Variants in GPR137B observed in about 807,000 individuals in gnomAD.
GPR137B encodes G protein-coupled receptor 137B, also known as integral membrane protein GPR137B.
Under a neutral mutation model 42.5 loss-of-function variants are expected in GPR137B, and 42 were observed. The observed-to-expected ratio is 0.99, with a 90% CI of 0.77 to 1.28. The LOEUF (loss-of-function observed/expected upper bound fraction) is 1.28. Among genes scored for constraint, GPR137B ranks in the 50% most tolerant of loss-of-function variants. The pLI is 0.00. For missense variants in GPR137B, 487 were observed against 493.9 expected, an observed-to-expected ratio of 0.99 and a Z score of 0.13; for synonymous variants, 218 against 209.7, an observed-to-expected ratio of 1.04 and a Z score of -0.34.
chr1:236,180,962 T>A (rs1662854586), intron 4 of GPR137B, among the ~76,000 whole-genome samples: 1 of 152,198 alleles, frequency 6.6e-6, no homozygotes, highest in African/African-American at 2.4e-5. Flanking sequence ...TAAGATGATA[T>A]TATTAAAGGG....
At chr1:236,191,742 C>T in intron 5 of GPR137B, among the ~76,000 whole-genome samples, 1 of 152,192 alleles carries the variant, frequency 6.6e-6, no homozygotes, top group Non-Finnish European at 1.5e-5. Context: ...CCAGAGCTCT[C>T]CTGTATGAGG....
chr1:236,161,789 C>G (rs1432644283), intron 1 of GPR137B, among the ~76,000 whole-genome samples: 1 of 152,086 alleles, frequency 6.6e-6, no homozygotes, highest in Admixed American at 6.5e-5. Flanking sequence ...GTAAGAAATG[C>G]CTTTTGCCTC....
rs1289770540 is a variant in GPR137B at position 236,192,618 on chromosome 1, TCGATCGAGGCGACA to T, written c.966+8714_966+8727del. Among the ~76,000 whole-genome samples the T allele has an allele frequency of 2.0e-5, 3 of 152,084 alleles. No individual in the cohort carries two copies. In the East Asian group the frequency reaches 5.8e-4, roughly 29 times the overall value. ...AAAATTCCCTGACTCCTTGCACTTCTCGATCGAGGCGACACCCCACCCTGCTTCGGCTCACCCTC... is the reference window on the plus strand; with the variant it reads ...AAAATTCCCTGACTCCTTGCACTTCTCCCCACCCTGCTTCGGCTCACCCTC... On this transcript the variant is annotated intron_variant, in intron 5 of 6. Coordinates refer to ENST00000366592, the MANE Select transcript of GPR137B (RefSeq NM_003272.4).
intron 5 of GPR137B, among the ~76,000 whole-genome samples, chr1:236,197,909 C>T (rs977603793): frequency 1.2e-4 from 19 of 152,012 alleles, no homozygotes; most frequent in South Asian, 4.1e-4. Flanking sequence ...TTAGTAGAGA[C>T]GAGGTTTCAC....
At position 236,142,743 on chromosome 1, in the gene GPR137B, G is replaced by T. The variant is rs1054740657; in HGVS notation, c.121G>T (p.Val41Leu). The T allele has an allele frequency of 5.6e-6, 9 of 1,609,600 alleles. No homozygotes were observed. The highest frequency in any genetic ancestry group is 6.8e-6 in the Non-Finnish European group (8 of 1,178,850). Residue 41 changes from valine to leucine, a missense_variant, in exon 1 of 7, where the codon GTG becomes TTG. By Grantham distance (32) the Val-to-Leu change is conservative. Coordinates refer to ENST00000366592, the MANE Select transcript of GPR137B (RefSeq NM_003272.4). ...PTLTPAVPPYVKLGLTVVYTV... is the reference protein window; with the variant it reads ...PTLTPAVPPYLKLGLTVVYTV... ...GCTGACCCCGGCCGTGCCCCCCTAC[G>T]TGAAGCTTGGCCTCACCGTCGTCTA...
intron 5 of GPR137B, among the ~76,000 whole-genome samples, chr1:236,200,428 G>A (rs751675008): frequency 1.3e-5 from 2 of 152,074 alleles, no homozygotes; most frequent in South Asian, 2.1e-4. Context: ...TTGATGGCTT[G>A]TCTAGTGCTG....
intron 5 of GPR137B, among the ~76,000 whole-genome samples, chr1:236,185,306 A>C (rs1409781725): frequency 6.6e-6 from 1 of 152,164 alleles, no homozygotes; most frequent in Non-Finnish European, 1.5e-5. Flanking sequence ...TTGTATCCAT[A>C]ATTCATTTGG....
intron 5 of GPR137B, among the ~76,000 whole-genome samples, chr1:236,203,764 T>C (rs1015854908): frequency 3.9e-5 from 6 of 152,228 alleles, no homozygotes; most frequent in Non-Finnish European, 5.9e-5. Flanking sequence ...TTTGTGGCTA[T>C]TATAAGTGGG....
chr1:236,152,378 C>G (rs1203104544), intron 1 of GPR137B, among the ~76,000 whole-genome samples: 4 of 151,924 alleles, frequency 2.6e-5, no homozygotes, highest in Non-Finnish European at 5.9e-5. Context: ...GGGAGGATTG[C>G]TTGAACTTGG....
At position 236,149,852 on chromosome 1, in the gene GPR137B, TTGTA is replaced by T. The variant is rs1661793561; in HGVS notation, c.414+6820_414+6823del. On this transcript the variant is annotated intron_variant, in intron 1 of 6. Transcript: ENST00000366592. ...TGTGTGTGCACCTAGGTGTGCGCCT[TTGTA>T]TGTGTATGTGCATGTGTGCCTGTGT... Among the ~76,000 whole-genome samples, 13 of 152,344 alleles carry T rather than the reference TTGTA, an allele frequency of 8.5e-5. No homozygotes were observed. In the South Asian group the frequency reaches 2.7e-3, roughly 32 times the overall value.
At chr1:236,201,202 G>C (rs1663483464) in intron 5 of GPR137B, among the ~76,000 whole-genome samples, 1 of 151,972 alleles carries the variant, frequency 6.6e-6, no homozygotes, top group Non-Finnish European at 1.5e-5. Context: ...GAAATCTGCT[G>C]TTAAACAGCT....
At chr1:236,190,154 T>TCG (rs1558492947) in intron 5 of GPR137B, among the ~76,000 whole-genome samples, 1,535 of 148,884 alleles carry the variant, frequency 0.01, 34 homozygotes, top group African/African-American at 0.035. Flanking sequence ...TCTTCTTTTT[T>TCG]TTTTTTTTTT....
At chr1:236,160,975 A>G (rs1379290956) in intron 1 of GPR137B, among the ~76,000 whole-genome samples, 2 of 151,372 alleles carry the variant, frequency 1.3e-5, no homozygotes, top group Admixed American at 6.6e-5. Context: ...TGCTGTCCCC[A>G]TCTCGAAGTG....
At chr1:236,197,706 C>A (rs1054244650) in intron 5 of GPR137B, among the ~76,000 whole-genome samples, 3 of 152,060 alleles carry the variant, frequency 2.0e-5, no homozygotes, top group African/African-American at 7.2e-5. Context: ...ACATATTTGG[C>A]CTTATTTCTG....
chr1:236,174,356 C>T (rs1027519796), intron 2 of GPR137B, among the ~76,000 whole-genome samples: 3 of 152,130 alleles, frequency 2.0e-5, no homozygotes, highest in African/African-American at 7.2e-5. Flanking sequence ...GTGGAGACAC[C>T]TGGCCATGTT....
intron 2 of GPR137B, among the ~76,000 whole-genome samples, chr1:236,174,695 A>G (rs900238412): frequency 3.9e-5 from 6 of 152,226 alleles, no homozygotes; most frequent in African/African-American, 1.4e-4. Flanking sequence ...GAAGAGGGAC[A>G]CTGGGGCTGG....
At chr1:236,189,284 T>C (rs150484758) in intron 5 of GPR137B, among the ~76,000 whole-genome samples, 1,588 of 152,300 alleles carry the variant, frequency 0.01, 31 homozygotes, top group African/African-American at 0.029. Context: ...CCTGGATTCA[T>C]TGATTTTTTT....
In GPR137B at chr1:236,150,682, G is replaced by T. The variant is rs545555927; in HGVS notation, c.414+7646G>T. Among the ~76,000 whole-genome samples, 4 of 152,214 alleles carry T rather than the reference G, an allele frequency of 2.6e-5. No homozygotes were observed. On this transcript the variant is annotated intron_variant, in intron 1 of 6. Transcript: ENST00000366592. The surrounding 1 kb of genome is among the most constrained non-coding windows in gnomAD (Gnocchi z 6.2). ...CTGCTGCCGGGTCACCATCAGGAGC[G>T]CCCTACTGTCGGCTCCGAACACTGT...
chr1:236,194,547 T>C (rs1483778864), intron 5 of GPR137B, among the ~76,000 whole-genome samples: 1 of 152,220 alleles, frequency 6.6e-6, no homozygotes, highest in Non-Finnish European at 1.5e-5. Context: ...GTTCATGTTC[T>C]ATTAACTTTT....
Sources: allele counts gnomAD v4.1 joint callset (sites outside exome capture counted in the v4.1 genomes callset), GRCh38; gene constraint gnomAD v4.1.1; non-coding constraint Gnocchi (gnomAD v3.1); transcripts MANE v1.5; gene names NCBI Gene and HGNC (gene_info 2026-07-23, HGNC 2026-07-21).